Variants in KLHL32 observed in about 807,000 individuals in gnomAD.
The protein encoded by KLHL32 is kelch-like protein 32.
Under a neutral mutation model 64.8 loss-of-function variants are expected in KLHL32, and 35 were observed. The ratio of observed to expected loss-of-function variants is 0.54; its 90% confidence interval spans 0.41 to 0.72. The LOEUF (loss-of-function observed/expected upper bound fraction) is 0.72, where lower values mean the gene tolerates loss of function less well. Ranked by LOEUF, KLHL32 falls within the 30% of genes least tolerant of loss-of-function variation. The pLI is 0.00. For synonymous variants in KLHL32, 259 were observed against 281.0 expected (o/e 0.92, Z 0.78); for missense variants, 589 against 768.5 (o/e 0.77, Z 2.76).
At chr6:96,911,795 T>C in the KLHL32 span, among the ~76,000 whole-genome samples, 3 of 150,622 alleles carry the variant, frequency 2.0e-5, no homozygotes, top group Admixed American at 2.0e-4. Flanking sequence ...GAAATATTCT[T>C]TTTCCATATA....
chr6:96,984,827 A>G (rs1166780659), intron 3 of KLHL32, among the ~76,000 whole-genome samples: 3 of 152,092 alleles, frequency 2.0e-5, no homozygotes, highest in African/African-American at 2.4e-5. Flanking sequence ...TCTTTATCCA[A>G]TTTGCCAGTC....
At chr6:97,042,667 A>G (rs1785304371) in intron 4 of KLHL32, among the ~76,000 whole-genome samples, 1 of 152,154 alleles carries the variant, frequency 6.6e-6, no homozygotes, top group Non-Finnish European at 1.5e-5. Context: ...TCTTCTAGCA[A>G]TGTTGAACTA....
chr6:96,964,520 G>A (rs571414952), intron 1 of KLHL32, among the ~76,000 whole-genome samples: 124 of 152,270 alleles, frequency 8.1e-4, no homozygotes, highest in African/African-American at 2.9e-3. Context: ...GGGCGTGTTG[G>A]CCGGCGCCTG....
intron 3 of KLHL32, among the ~76,000 whole-genome samples, chr6:97,003,608 G>T (rs2128081675): frequency 6.6e-6 from 1 of 152,264 alleles, no homozygotes; most frequent in African/African-American, 2.4e-5. Context: ...TATCTTCCAG[G>T]ATTTTTAGAG....
chr6:97,021,113 A>G (rs1277816489), intron 3 of KLHL32, among the ~76,000 whole-genome samples: 1 of 151,034 alleles, frequency 6.6e-6, no homozygotes, highest in Non-Finnish European at 1.5e-5. Flanking sequence ...GAGGCTGACA[A>G]GTCCCAAGAT....
chr6:97,008,751 G>A (rs1453688473), intron 3 of KLHL32, among the ~76,000 whole-genome samples: 1 of 152,066 alleles, frequency 6.6e-6, no homozygotes, highest in Admixed American at 6.6e-5. Flanking sequence ...CCCTGTGCAG[G>A]GTTCCTAGCA....
Position 97,111,479 on chromosome 6 carries a change from A to G in KLHL32, c.628-2304A>G, listed in dbSNP as rs528473094. On this transcript the variant is annotated intron_variant, in intron 6 of 10. Transcript: ENST00000369261. The stretch of plus-strand genomic sequence containing the variant: ...CACTCACTCGAACCCGCTGCACCCA[A>G]CCCCTCATGGGACGGAACATGCAGG... Among the ~76,000 whole-genome samples the G allele has an allele frequency of 3.3e-5, 5 of 152,156 alleles. No individual in the cohort carries two copies. The South Asian group carries it at 1.0e-3, about 32-fold the overall frequency.
intron 6 of KLHL32, among the ~76,000 whole-genome samples, chr6:97,112,038 G>A (rs1010750490): frequency 2.6e-5 from 4 of 151,874 alleles, no homozygotes; most frequent in African/African-American, 4.8e-5. Context: ...GGATGGGGGG[G>A]TGGGGTGGAT....
the KLHL32 span, among the ~76,000 whole-genome samples, chr6:96,904,110 G>A: frequency 6.6e-6 from 1 of 152,090 alleles, no homozygotes; most frequent in South Asian, 2.1e-4. Context: ...GGGAGCCTGG[G>A]GCAGGCAGAT....
intron 3 of KLHL32, among the ~76,000 whole-genome samples, chr6:97,027,345 A>G (rs891361707): frequency 6.6e-5 from 10 of 152,182 alleles, no homozygotes; most frequent in Non-Finnish European, 1.5e-4. Context: ...ACAGCCCTCA[A>G]CGGGGCTGCA....
chr6:96,935,764 T>A (rs1770519587), intron 1 of KLHL32, among the ~76,000 whole-genome samples: 1 of 152,194 alleles, frequency 6.6e-6, no homozygotes, highest in Non-Finnish European at 1.5e-5. Flanking sequence ...GAACAAAATA[T>A]ATGTAAATTT....
At chr6:97,026,032 A>G (rs1295853193) in intron 3 of KLHL32, among the ~76,000 whole-genome samples, 1 of 152,116 alleles carries the variant, frequency 6.6e-6, no homozygotes, top group Non-Finnish European at 1.5e-5. Context: ...CCCAAGAGAA[A>G]ATGAAGATCA....
intron 1 of KLHL32, among the ~76,000 whole-genome samples, chr6:96,953,671 A>T (rs1213746591): frequency 6.6e-6 from 1 of 151,870 alleles, no homozygotes; most frequent in African/African-American, 2.4e-5. Context: ...TTCATTCCCT[A>T]AAATCACGCC....
chr6:96,920,840 A>G (rs1352879241), upstream of KLHL32, among the ~76,000 whole-genome samples: 1 of 152,136 alleles, frequency 6.6e-6, no homozygotes, highest in Non-Finnish European at 1.5e-5. Flanking sequence ...TTACCAAGCT[A>G]TCATGAGTAT....
chr6:96,931,875 A>C (rs1769929129), intron 1 of KLHL32, among the ~76,000 whole-genome samples: 2 of 148,502 alleles, frequency 1.3e-5, no homozygotes, highest in Non-Finnish European at 3.0e-5. Flanking sequence ...TTACAAAATC[A>C]TTATGAAAAA....
At chr6:97,077,128 G>A (rs1791719650) in intron 5 of KLHL32, among the ~76,000 whole-genome samples, 1 of 152,130 alleles carries the variant, frequency 6.6e-6, no homozygotes, top group Non-Finnish European at 1.5e-5. Flanking sequence ...AATAGCAAGT[G>A]CAATTAAAAG....
intron 4 of KLHL32, among the ~76,000 whole-genome samples, chr6:97,056,938 G>C (rs888713817): frequency 6.6e-6 from 1 of 152,118 alleles, no homozygotes. Context: ...CATGAAAACT[G>C]CCAGAGACAA....
intron 2 of KLHL32, among the ~76,000 whole-genome samples, chr6:96,968,449 C>G (rs1774733661): frequency 6.6e-6 from 1 of 152,168 alleles, no homozygotes; most frequent in Non-Finnish European, 1.5e-5. Context: ...AAACCCTGCT[C>G]TAGACCTGGC....
chr6:97,101,402 C>T (rs865992233), intron 6 of KLHL32, among the ~76,000 whole-genome samples: 3 of 152,084 alleles, frequency 2.0e-5, no homozygotes, highest in Non-Finnish European at 4.4e-5. Flanking sequence ...GAATAAGCCT[C>T]GAGTTTTATG....
Sources: allele counts gnomAD v4.1 joint callset (sites outside exome capture counted in the v4.1 genomes callset), GRCh38; gene constraint gnomAD v4.1.1; transcripts MANE v1.5; gene names NCBI Gene and HGNC (gene_info 2026-07-23, HGNC 2026-07-21).